EPHA6: variants seen among roughly 807,000 people sequenced by gnomAD.
The protein encoded by EPHA6 is EPH receptor A6.
In EPHA6, 50 loss-of-function variants were observed where a neutral mutation model predicts 112.0. That is an observed-to-expected ratio of 0.45 (90% CI 0.36 to 0.56). The LOEUF is 0.56. Ranked by LOEUF, EPHA6 falls within the 20% of genes least tolerant of loss-of-function variation. The pLI, the probability that EPHA6 is intolerant of heterozygous loss-of-function variation, is 0.00. For missense variants in EPHA6, 1,280 were observed against 1,417.4 expected, an observed-to-expected ratio of 0.90 and a Z score of 1.56; for synonymous variants, 529 against 490.7, an observed-to-expected ratio of 1.08 and a Z score of -1.03.
At chr3:97,358,595 G>C (rs1315358790) in intron 5 of EPHA6, among the ~76,000 whole-genome samples, 1 of 151,782 alleles carries the variant, frequency 6.6e-6, no homozygotes, top group African/African-American at 2.4e-5. Context: ...AGAAACCTTT[G>C]TACAATAATA....
chr3:97,483,853 A>G (rs1329617337), intron 9 of EPHA6, 81 bp from the exon 10 acceptor site: 6 of 1,376,302 alleles, frequency 4.4e-6, no homozygotes, highest in Non-Finnish European at 5.7e-6. Context: ...TCAGTATGTC[A>G]TTTCCGGTTT....
intron 10 of EPHA6, among the ~76,000 whole-genome samples, chr3:97,502,548 A>G (rs1017636110): frequency 5.3e-5 from 8 of 151,800 alleles, no homozygotes; most frequent in Non-Finnish European, 1.2e-4. Flanking sequence ...TCAAAAGTCA[A>G]TATGGGCTGG....
At chr3:96,821,107 G>C (rs1236495184) in intron 1 of EPHA6, among the ~76,000 whole-genome samples, 2 of 151,922 alleles carry the variant, frequency 1.3e-5, no homozygotes, top group Non-Finnish European at 2.9e-5. Context: ...TATTTTTGGG[G>C]ATGGAGTGAG....
At chr3:97,729,507 G>A (rs116439380) in intron 15 of EPHA6, among the ~76,000 whole-genome samples, 1 of 151,948 alleles carries the variant, frequency 6.6e-6, no homozygotes, top group Non-Finnish European at 1.5e-5. Flanking sequence ...ACTTATTCAC[G>A]ATCATGAGAA....
intron 14 of EPHA6, among the ~76,000 whole-genome samples, chr3:97,699,848 G>A (rs1270600922): frequency 2.0e-5 from 3 of 152,170 alleles, no homozygotes; most frequent in Admixed American, 2.0e-4. Flanking sequence ...AATGTACTTT[G>A]TCTGAACTTG....
chr3:97,101,185 GA>G (rs961593606), intron 3 of EPHA6, among the ~76,000 whole-genome samples: 1 of 151,900 alleles, frequency 6.6e-6, no homozygotes, highest in Non-Finnish European at 1.5e-5. Context: ...CAGGAATAGG[GA>G]AAATGAATCC....
intron 16 of EPHA6, among the ~76,000 whole-genome samples, chr3:97,743,925 C>T (rs188738669): frequency 1.1e-4 from 17 of 151,894 alleles, no homozygotes; most frequent in Non-Finnish European, 1.9e-4. Context: ...TATTGATGAC[C>T]TATCTAAGGA....
chr3:97,427,357 C>T (rs1286644908), intron 6 of EPHA6, among the ~76,000 whole-genome samples: 2 of 152,114 alleles, frequency 1.3e-5, no homozygotes, highest in East Asian at 3.8e-4. Flanking sequence ...TACCATGCAG[C>T]CATAAAAAAG....
chr3:96,937,575 T>G (rs2040666026), intron 2 of EPHA6, among the ~76,000 whole-genome samples: 1 of 152,184 alleles, frequency 6.6e-6, no homozygotes, highest in Non-Finnish European at 1.5e-5. Context: ...ACTCTGATGG[T>G]AGTTTCTTTT....
chr3:96,892,234 GT>G (rs1376030641), intron 2 of EPHA6, among the ~76,000 whole-genome samples: 1 of 151,822 alleles, frequency 6.6e-6, no homozygotes, highest in Non-Finnish European at 1.5e-5. Flanking sequence ...TCGTTTGTTT[GT>G]TTTGAGACAG....
At chr3:97,616,010 A>T (rs1378044349) in intron 13 of EPHA6, among the ~76,000 whole-genome samples, 8 of 151,992 alleles carry the variant, frequency 5.3e-5, no homozygotes, top group Admixed American at 4.6e-4. Flanking sequence ...TCTAATCCTA[A>T]TCCTCCTGAC....
At chr3:96,966,968 T>C (rs1267848286) in intron 2 of EPHA6, among the ~76,000 whole-genome samples, 1 of 152,010 alleles carries the variant, frequency 6.6e-6, no homozygotes, top group Non-Finnish European at 1.5e-5. Flanking sequence ...GTGTAGCATT[T>C]AGCTTAATTC....
chr3:97,540,327 C>G (rs536092586), intron 11 of EPHA6, among the ~76,000 whole-genome samples: 1 of 152,244 alleles, frequency 6.6e-6, no homozygotes, highest in South Asian at 2.1e-4. Flanking sequence ...AGAAAACGAA[C>G]TAAGTGTGAC....
intron 3 of EPHA6, among the ~76,000 whole-genome samples, chr3:97,152,560 C>T (rs1404868487): frequency 6.6e-6 from 1 of 151,796 alleles, no homozygotes; most frequent in Non-Finnish European, 1.5e-5. Context: ...CTGGTTTCTA[C>T]TAAGGGAAGA....
At chr3:96,977,808 T>G (rs2042593336) in intron 2 of EPHA6, among the ~76,000 whole-genome samples, 1 of 152,300 alleles carries the variant, frequency 6.6e-6, no homozygotes, top group Admixed American at 6.5e-5. Context: ...ATAGTTTCTA[T>G]GTTATATATT....
At chr3:97,172,585 A>T (rs1182452812) in intron 3 of EPHA6, among the ~76,000 whole-genome samples, 2 of 151,966 alleles carry the variant, frequency 1.3e-5, no homozygotes, top group Non-Finnish European at 2.9e-5. Context: ...GTTAGACACA[A>T]TGCCAAATAG....
At chr3:97,612,705 C>T (rs2093730567) in intron 13 of EPHA6, among the ~76,000 whole-genome samples, 1 of 151,992 alleles carries the variant, frequency 6.6e-6, no homozygotes, top group African/African-American at 2.4e-5. Flanking sequence ...TTCTGAATAC[C>T]TATCTCAGCT....
At chr3:96,942,250 T>C (rs1021063857) in intron 2 of EPHA6, among the ~76,000 whole-genome samples, 1 of 152,184 alleles carries the variant, frequency 6.6e-6, no homozygotes, top group East Asian at 1.9e-4. Context: ...CCTTTAGCTG[T>C]GGTGGGCTCC....
At chr3:97,395,706 A>T (rs796574092) in intron 5 of EPHA6, among the ~76,000 whole-genome samples, 5 of 151,878 alleles carry the variant, frequency 3.3e-5, no homozygotes, top group African/African-American at 1.2e-4. Flanking sequence ...CCCTTAAAAC[A>T]CACCTACACA....
Sources: gnomAD v4.1 joint callset for allele counts (sites outside exome capture counted in the v4.1 genomes callset) on GRCh38, gnomAD v4.1.1 for gene constraint, MANE v1.5 for transcripts, NCBI Gene and HGNC (gene_info 2026-07-23, HGNC 2026-07-21) for gene names.